The following ADGRL3 variants were observed in gnomAD, a reference collection of about 807,000 sequenced individuals.
The protein encoded by ADGRL3 is adhesion G protein-coupled receptor L3, also known as calcium-independent alpha-latrotoxin receptor 3.
ADGRL3 carries 62 observed loss-of-function variants against 153.5 expected under a neutral mutation model. The ratio of observed to expected loss-of-function variants is 0.40; its 90% CI spans 0.33 to 0.50. The LOEUF (loss-of-function observed/expected upper bound fraction) is 0.50, where lower values mean the gene tolerates loss of function less well. Among genes scored for constraint, ADGRL3 ranks in the 20% least tolerant of loss-of-function variants. ADGRL3 has a pLI of 0.47. For synonymous variants in ADGRL3, 710 were observed against 672.5 expected (o/e 1.06, Z -0.86); for missense variants, 1,641 against 1,859.4 (o/e 0.88, Z 2.16).
intron 18 of ADGRL3, 28 bp downstream of exon 18, chr4:61,979,800 A>G (rs1307081369): frequency 3.1e-6 from 5 of 1,588,186 alleles, no homozygotes; most frequent in Non-Finnish European, 2.6e-6. Context: ...ATACCAGTGA[A>G]GAATTTTTCC....
At chr4:61,779,105 A>G (rs1322341942) in intron 8 of ADGRL3, among the ~76,000 whole-genome samples, 3 of 152,254 alleles carry the variant, frequency 2.0e-5, no homozygotes, top group Non-Finnish European at 2.9e-5. Flanking sequence ...ATGTTTTACT[A>G]CAATGTTATG....
intron 5 of ADGRL3, among the ~76,000 whole-genome samples, chr4:61,591,950 C>A (rs1191443442): frequency 6.6e-6 from 1 of 151,532 alleles, no homozygotes; most frequent in African/African-American, 2.4e-5. Context: ...GTGGGGTGCA[C>A]CTATGGTCCC....
At chr4:61,399,517 C>G (rs9654272) in intron 2 of ADGRL3, among the ~76,000 whole-genome samples, 43,484 of 151,290 alleles carry the variant, frequency 0.29, 6,456 homozygotes, top group Middle Eastern at 0.37. Context: ...TTTACAAATG[C>G]CATGTGTGCA....
chr4:61,975,712 A>G (rs1165466464), intron 17 of ADGRL3, among the ~76,000 whole-genome samples: 1 of 152,166 alleles, frequency 6.6e-6, no homozygotes, highest in African/African-American at 2.4e-5. Context: ...AAGTTGGTGC[A>G]GTTGAGATGA....
intron 9 of ADGRL3, among the ~76,000 whole-genome samples, chr4:61,832,111 G>A (rs1345898999): frequency 6.6e-6 from 1 of 152,018 alleles, no homozygotes; most frequent in East Asian, 1.9e-4. Flanking sequence ...GGAGAAAAGG[G>A]CATACAAGAT....
chr4:61,305,264 G>C (rs1361554662), intron 1 of ADGRL3, among the ~76,000 whole-genome samples: 1 of 152,024 alleles, frequency 6.6e-6, no homozygotes, highest in Non-Finnish European at 1.5e-5. Flanking sequence ...TTGGAAGAAT[G>C]AATTTCAGTC....
chr4:61,670,150 C>T (rs1326780478), intron 5 of ADGRL3, among the ~76,000 whole-genome samples: 1 of 151,982 alleles, frequency 6.6e-6, no homozygotes, highest in Non-Finnish European at 1.5e-5. Context: ...AAAAATAAGC[C>T]AAGTGTGGTG....
Position 61,730,616 on chromosome 4 carries a change from C to A in ADGRL3, c.584-6C>A. 3.6e-6 allele frequency: 2 copies of A among 556,894 alleles called. No individual in the cohort carries two copies. Among genetic ancestry groups the A allele is most frequent in the Non-Finnish European group, 6.1e-6 (2 of 330,416 alleles). The allele number at this position is 556,894 out of a possible 1,614,324, so 34.5% of individuals were successfully genotyped here. On this transcript the variant is annotated splice_region_variant and splice_polypyrimidine_tract_variant and intron_variant, in intron 6 of 26. Coordinates refer to ENST00000683033, the MANE Select transcript of ADGRL3 (RefSeq NM_001387552.1). ...CTTTCTCTCTTTACTTCTCTCTCTC[C>A]AATAGAAGTGGAACAAAAAGGTAAT...
At chr4:61,488,566 T>C (rs1268431241) in intron 2 of ADGRL3, among the ~76,000 whole-genome samples, 3 of 152,014 alleles carry the variant, frequency 2.0e-5, no homozygotes, top group African/African-American at 7.2e-5. Flanking sequence ...TGTCACTTTA[T>C]ACCTGAACTA....
At chr4:61,677,835 C>G (rs1455079052) in intron 6 of ADGRL3, among the ~76,000 whole-genome samples, 4 of 151,802 alleles carry the variant, frequency 2.6e-5, no homozygotes, top group Non-Finnish European at 5.9e-5. Flanking sequence ...CTCATTCACG[C>G]TTATTAAAGA....
At chr4:61,821,469 TCTC>T (rs561136934) in intron 9 of ADGRL3, among the ~76,000 whole-genome samples, 366 of 152,066 alleles carry the variant, frequency 2.4e-3, no homozygotes, top group Non-Finnish European at 3.9e-3. Context: ...TTCAAGTGAT[TCTC>T]CTTCCTCAGC....
chr4:61,725,765 A>AGG (rs5858723), intron 6 of ADGRL3, among the ~76,000 whole-genome samples: 2 of 151,300 alleles, frequency 1.3e-5, no homozygotes, highest in African/African-American at 4.9e-5. Flanking sequence ...GGATTTGATG[A>AGG]AAATGGAGAG....
intron 2 of ADGRL3, among the ~76,000 whole-genome samples, chr4:61,457,838 A>G (rs925178335): frequency 6.7e-6 from 1 of 149,344 alleles, no homozygotes; most frequent in Non-Finnish European, 1.5e-5. Context: ...TTTTTGTATA[A>G]AATCACAGAT....
intron 9 of ADGRL3, among the ~76,000 whole-genome samples, chr4:61,866,650 T>A (rs1581210455): frequency 6.6e-6 from 1 of 152,296 alleles, no homozygotes; most frequent in East Asian, 1.9e-4. Flanking sequence ...GCCTCTAAGC[T>A]TTCCAATATG....
At chr4:61,495,197 G>A (rs1034288736) in intron 2 of ADGRL3, among the ~76,000 whole-genome samples, 8 of 152,158 alleles carry the variant, frequency 5.3e-5, no homozygotes, top group South Asian at 2.1e-4. Context: ...TCCAGAATGC[G>A]TGCTCTTAAC....
intron 17 of ADGRL3, among the ~76,000 whole-genome samples, chr4:61,968,369 A>G (rs2099014428): frequency 3.9e-5 from 6 of 152,136 alleles, no homozygotes; most frequent in Admixed American, 3.9e-4. Flanking sequence ...GGTTTCTTAC[A>G]TCTTCTTTAG....
chr4:61,453,760 T>C (rs1248667038), intron 2 of ADGRL3, among the ~76,000 whole-genome samples: 1 of 152,130 alleles, frequency 6.6e-6, no homozygotes. Context: ...AATCTGTAAT[T>C]ATAATTGTCC....
intron 1 of ADGRL3, among the ~76,000 whole-genome samples, chr4:61,318,883 C>G (rs72634751): frequency 5.3e-5 from 8 of 152,080 alleles, no homozygotes; most frequent in African/African-American, 1.9e-4. Context: ...TTTATATTGA[C>G]AGTCAATACT....
At chr4:61,973,402 A>T (rs1482300598) in intron 17 of ADGRL3, among the ~76,000 whole-genome samples, 2 of 152,086 alleles carry the variant, frequency 1.3e-5, no homozygotes, top group African/African-American at 4.8e-5. Flanking sequence ...AGTGACAAAG[A>T]CAAAGCAGAT....
Sources: allele counts gnomAD v4.1 joint callset (sites outside exome capture counted in the v4.1 genomes callset), GRCh38; gene constraint gnomAD v4.1.1; transcripts MANE v1.5; gene names NCBI Gene and HGNC (gene_info 2026-07-23, HGNC 2026-07-21).